PEPD: variants seen among roughly 807,000 people sequenced by gnomAD.
The protein encoded by PEPD is xaa-Pro dipeptidase.
Under a neutral mutation model 60.7 loss-of-function variants are expected in PEPD, and 53 were observed. The ratio of observed to expected loss-of-function variants is 0.87; its 90% CI spans 0.70 to 1.10. The LOEUF is 1.10. Ranked by LOEUF, PEPD falls within the 50% of genes least tolerant of loss-of-function variation. PEPD has a pLI of 0.00. For missense variants in PEPD, 711 were observed against 711.9 expected (o/e 1.00, Z 0.01); for synonymous variants, 267 against 284.1 (o/e 0.94, Z 0.60).
Position 33,387,472 on chromosome 19 carries a change from C to T in PEPD, c.1354G>A (p.Glu452Lys), listed in dbSNP as rs767937361. The change falls in exon 15 of 15, where the codon GAG becomes AAG. Residue 452 changes from glutamate (E) to lysine (K), a missense_variant. Glu to Lys is a moderately conservative substitution (Grantham distance 56). Transcript: ENST00000244137. ...CTGTCAGTCACCACGACGTCCTCCTCGATGCGGACCTGGGTCAAGCCGACA... is the reference window on the plus strand; with the variant it reads ...CTGTCAGTCACCACGACGTCCTCCTTGATGCGGACCTGGGTCAAGCCGACA... ...RFRGFGGVRI[E>K]EDVVVTDSGI... 8.7e-6 allele frequency: 14 copies of T among 1,613,578 alleles called. No homozygotes were observed. The highest frequency in any genetic ancestry group is 4.5e-5 in the East Asian group (2 of 44,890).
At chr19:33,445,627 A>T (rs868358610) in intron 9 of PEPD, among the ~76,000 whole-genome samples, 16 of 152,218 alleles carry the variant, frequency 1.1e-4, no homozygotes, top group Admixed American at 1.0e-3. Flanking sequence ...ACTTCCAGCC[A>T]CCAGAAGGGT....
chr19:33,404,633 C>T (rs1160369467), intron 11 of PEPD, among the ~76,000 whole-genome samples: 5 of 152,150 alleles, frequency 3.3e-5, no homozygotes, highest in East Asian at 1.9e-4. Context: ...GGATATCATC[C>T]GCCAGCCTGA....
intron 13 of PEPD, among the ~76,000 whole-genome samples, chr19:33,390,242 G>GA (rs144470625): frequency 0.035 from 5,264 of 152,272 alleles, 148 homozygotes; most frequent in Middle Eastern, 0.085. Context: ...TTTGCTGGTG[G>GA]AAAAAAAGCG....
Position 33,468,337 on chromosome 19 carries a change from A to AC in PEPD, c.549-4276dup, listed in dbSNP as rs528498550. Among the ~76,000 whole-genome samples, 296 of 152,398 alleles carry AC rather than the reference A, an allele frequency of 1.9e-3. 1 individual carries two copies. The highest frequency in any genetic ancestry group is 3.4e-3 in the Middle Eastern group (1 of 294). On this transcript the variant is annotated intron_variant, in intron 7 of 14. Coordinates refer to ENST00000244137, the MANE Select transcript of PEPD (RefSeq NM_000285.4). ...AAAGCTGGAGTGTCTGAGGATGCAG[A>AC]CCAGCACCCACCCCTCTGTTGGGAG...
At chr19:33,462,199 G>A (rs918435248) in intron 9 of PEPD, among the ~76,000 whole-genome samples, 2 of 152,210 alleles carry the variant, frequency 1.3e-5, no homozygotes, top group South Asian at 4.1e-4. Context: ...GCCCTGCAAG[G>A]GGGGTAAGGG....
Position 33,416,222 on chromosome 19 carries a change from G to C in PEPD, c.672-2579C>G, listed in dbSNP as rs1968889144. On this transcript the variant is annotated intron_variant, in intron 9 of 14. Transcript: ENST00000244137. ...GTGGTGCTGGGATGACCAGGAGCAAGTGTGGGCTATGAGGACAGGCTAACA... is the reference window on the plus strand; with the variant it reads ...GTGGTGCTGGGATGACCAGGAGCAACTGTGGGCTATGAGGACAGGCTAACA... Among the ~76,000 whole-genome samples, 2 of 152,226 alleles carry C rather than the reference G, an allele frequency of 1.3e-5. 1 individual carries two copies. Among genetic ancestry groups the C allele is most frequent in the South Asian group, 4.1e-4 (2 of 4,832 alleles).
Position 33,487,599 on chromosome 19 carries a change from G to A in PEPD, c.503+2397C>T, listed in dbSNP as rs115699167. Among the ~76,000 whole-genome samples the A allele has an allele frequency of 4.1e-3, 623 of 152,324 alleles. 2 individuals are homozygous for A. Among genetic ancestry groups the A allele is most frequent in the African/African-American group, 0.014 (596 of 41,586 alleles). ...ACTGACGCACCAGCACCCGGGGTGG[G>A]GGGCAGTGTCTCAGCCCAGCCCCCA... On this transcript the variant is annotated intron_variant, in intron 6 of 14. Transcript: ENST00000244137.
chr19:33,397,133 C>T (rs781057866), intron 12 of PEPD, among the ~76,000 whole-genome samples: 26 of 152,108 alleles, frequency 1.7e-4, no homozygotes, highest in Non-Finnish European at 2.8e-4. Context: ...GACTCCCAGC[C>T]GCCAGGGTAG....
intron 4 of PEPD, among the ~76,000 whole-genome samples, chr19:33,497,918 G>A (rs529757592): frequency 3.9e-5 from 6 of 152,298 alleles, no homozygotes; most frequent in African/African-American, 1.4e-4. Flanking sequence ...GGGAGGCCTG[G>A]AGGGGAGGCC....
At chr19:33,506,616 C>A (rs1217018118) in intron 3 of PEPD, among the ~76,000 whole-genome samples, 1 of 146,002 alleles carries the variant, frequency 6.8e-6, no homozygotes, top group African/African-American at 2.6e-5. Context: ...ACACACCACA[C>A]ATGCCCACTC....
chr19:33,413,569 G>T lies in PEPD; in HGVS notation c.740+6C>A. ...ACCCCCAGGGGAGCCAGGGTGCCCC[G>T]CTTACCTGCCGCAGATGCAGGTGTA... is the stretch of plus-strand genomic sequence containing the variant. On this transcript the variant is annotated splice_donor_region_variant and intron_variant, in intron 10 of 14. Transcript: ENST00000244137. 6.5e-7 allele frequency: 1 copy of T among 1,547,784 alleles called. No homozygotes were observed. The highest frequency in any genetic ancestry group is 8.8e-7 in the Non-Finnish European group (1 of 1,138,792).
chr19:33,435,689 T>A (rs138288789), intron 9 of PEPD, among the ~76,000 whole-genome samples: 1 of 152,376 alleles, frequency 6.6e-6, no homozygotes, highest in Non-Finnish European at 1.5e-5. Flanking sequence ...GGGCACTGTG[T>A]GAGAATCTGC....
chr19:33,431,992 C>CAAAAAAAAAAAAAAAAAAA (rs906879187), intron 9 of PEPD, among the ~76,000 whole-genome samples: 25 of 77,860 alleles, frequency 3.2e-4, no homozygotes, highest in East Asian at 9.1e-4. Context: ...GACACCACCT[C>CAAAAAAAAAAAAAAAAAAA]AAAAAAAAAA....
In PEPD at chr19:33,403,186, G is replaced by A. The variant is rs73586209; in HGVS notation, c.819-1317C>T. ...TCCATCCATCCCACCTAGGCACCTC[G>A]GGAGGCTGCAGGCAGCAGACACAGA... On this transcript the variant is annotated intron_variant, in intron 11 of 14. Coordinates refer to ENST00000244137, the MANE Select transcript of PEPD (RefSeq NM_000285.4). Among the ~76,000 whole-genome samples, 696 of 152,302 alleles carry A rather than the reference G, an allele frequency of 4.6e-3. 7 individuals are homozygous for A. Among genetic ancestry groups the A allele is most frequent in the African/African-American group, 0.016 (652 of 41,556 alleles).
At chr19:33,483,892 G>T (rs1400337559) in intron 6 of PEPD, among the ~76,000 whole-genome samples, 1 of 152,116 alleles carries the variant, frequency 6.6e-6, no homozygotes, top group Non-Finnish European at 1.5e-5. Flanking sequence ...ACAAGCACAC[G>T]CAGGGTCGTG....
intron 6 of PEPD, among the ~76,000 whole-genome samples, chr19:33,485,978 A>G (rs1970390924): frequency 6.6e-6 from 1 of 152,010 alleles, no homozygotes; most frequent in Non-Finnish European, 1.5e-5. Flanking sequence ...AGGCATGGAA[A>G]CTTGATGGAC....
chr19:33,511,494 C>G, intron 2 of PEPD: 1 of 366,014 alleles, frequency 2.7e-6, no homozygotes, highest in South Asian at 2.2e-5. Context: ...CTGCCACGTG[C>G]AGGCAGGCAA....
chr19:33,506,200 TCA>T (rs1970803960), intron 3 of PEPD, among the ~76,000 whole-genome samples: 1 of 109,998 alleles, frequency 9.1e-6, no homozygotes, highest in African/African-American at 3.6e-5. Flanking sequence ...CACACTCTCA[TCA>T]CAAACACCCT....
rs1714416321 is a variant in PEPD at position 33,413,602 on chromosome 19, T to C, written c.713A>G (p.His238Arg). Reference sequence around the variant, plus strand: ...GCCGCAGATGCAGGTGTAGGAGCTGTGGCGCATGCCGCCCCGGGAGTAGCA... The same window carrying C: ...GCCGCAGATGCAGGTGTAGGAGCTGCGGCGCATGCCGCCCCGGGAGTAGCA... ...HYCYSRGGMR[H>R]SSYTCICGSG... The change falls in exon 10 of 15, where the codon CAC (histidine) becomes CGC (arginine). Residue 238 changes from histidine (H) to arginine (R), a missense_variant. Transcript: ENST00000244137. The C allele has an allele frequency of 1.9e-6, 3 of 1,587,034 alleles. No individual in the cohort carries two copies. The highest frequency in any genetic ancestry group is 1.2e-5 in the South Asian group (1 of 86,914).
Sources: allele counts gnomAD v4.1 joint callset (sites outside exome capture counted in the v4.1 genomes callset), GRCh38; gene constraint gnomAD v4.1.1; transcripts MANE v1.5; gene names NCBI Gene and HGNC (gene_info 2026-07-23, HGNC 2026-07-21).